STMN1: variants seen among roughly 807,000 people sequenced by gnomAD.
STMN1 encodes the protein stathmin 1.
In STMN1, 3 loss-of-function variants were observed where a neutral mutation model predicts 19.7. That is an observed-to-expected ratio of 0.15 (90% CI 0.07 to 0.39). The LOEUF (loss-of-function observed/expected upper bound fraction) is 0.39. Among genes scored for constraint, STMN1 ranks in the 10% least tolerant of loss-of-function variants. The pLI is 1.00. For synonymous variants in STMN1, 59 were observed against 58.9 expected (o/e 1.00, Z -0.01); for missense variants, 99 against 176.0 (o/e 0.56, Z 2.48).
intron 4 of STMN1, among the ~76,000 whole-genome samples, chr1:25,887,196 G>A (rs748021950): frequency 3.6e-4 from 55 of 152,154 alleles, no homozygotes; most frequent in Non-Finnish European, 7.5e-4. Flanking sequence ...CCAGGCCTTC[G>A]TTCAGGTGCC....
At chr1:25,885,657 C>A in exon 5 of STMN1, 1 of 1,465,404 alleles carries the variant, frequency 6.8e-7, no homozygotes, top group Non-Finnish European at 9.1e-7. Flanking sequence ...CAAGGATCCT[C>A]TTGGCCAGAC....
rs1225235663 is a variant in STMN1, at chr1:25,900,668, C to T, written c.*348G>A. The T allele has an allele frequency of 1.1e-5, 11 of 1,025,152 alleles. No individual in the cohort carries two copies. The highest frequency in any genetic ancestry group is 1.2e-5 in the Non-Finnish European group (10 of 856,012). 63.5% of individuals were successfully genotyped at this position (1,025,152 alleles called of 1,614,324 possible). A position where few individuals can be genotyped will look rare whatever the true frequency, so the allele number is the denominator to read the frequency against. ...AAGTGAACAGATATTCAGCATCTAA[C>T]AGTTCAAAAGAAGCCACTACATACT... On this transcript the variant is annotated 3_prime_UTR_variant, in exon 5 of 5. Transcript: ENST00000455785.
chr1:25,900,165 T>C lies in STMN1; in HGVS notation c.*851A>G, dbSNP rs983386308. On this transcript the variant is annotated 3_prime_UTR_variant, in exon 5 of 5. Transcript: ENST00000455785. ...TATTAATATTCTGATTCTCGTGTCA[T>C]AGCTTTTATGGCAGGAAAGGATGAG... is the stretch of plus-strand genomic sequence containing the variant. 2 of 985,774 alleles carry C rather than the reference T, an allele frequency of 2.0e-6. No homozygotes were observed. Among genetic ancestry groups the C allele is most frequent in the Non-Finnish European group, 2.4e-6 (2 of 829,938 alleles). The allele number at this position is 985,774 out of a possible 1,614,324, so 61.1% of individuals were successfully genotyped here. A position where few individuals can be genotyped will look rare whatever the true frequency, so the allele number is the denominator to read the frequency against.
chr1:25,889,596 T>C (rs1019232182), intron 4 of STMN1, among the ~76,000 whole-genome samples: 3 of 152,164 alleles, frequency 2.0e-5, no homozygotes, highest in African/African-American at 7.2e-5. Flanking sequence ...AATCTAACCA[T>C]GACCCTCCAC....
intron 2 of STMN1, 50 bp downstream of exon 2, chr1:25,904,614 T>TA: frequency 6.4e-7 from 1 of 1,572,464 alleles, no homozygotes; most frequent in Non-Finnish European, 8.7e-7. Flanking sequence ...CATCTCAATC[T>TA]AAAATCATAA....
At chr1:25,893,122 C>T (rs914667117) in intron 4 of STMN1, among the ~76,000 whole-genome samples, 2 of 152,088 alleles carry the variant, frequency 1.3e-5, no homozygotes, top group Non-Finnish European at 2.9e-5. Flanking sequence ...CTATATTTTA[C>T]TACAATTTGT....
chr1:25,887,370 C>A, intron 4 of STMN1: 1 of 279,808 alleles, frequency 3.6e-6, no homozygotes, highest in Non-Finnish European at 7.1e-6. Flanking sequence ...GTAAGTCTAC[C>A]CCTCAATCCC....
rs147343636 is a variant in STMN1, at chr1:25,903,291, G to A, written c.186+350C>T. 1.1e-4 allele frequency: 21 copies of A among 186,750 alleles called. No homozygotes were observed. The East Asian group carries it at 3.5e-3, about 31-fold the overall frequency. The allele number at this position is 186,750 out of a possible 1,614,324, so 11.6% of individuals were successfully genotyped here. On this transcript the variant is annotated intron_variant, in intron 3 of 4. Coordinates refer to ENST00000455785, the MANE Select transcript of STMN1 (RefSeq NM_005563.4). The stretch of plus-strand genomic sequence containing the variant: ...TCATCTGGCAACAAATCTTTTCAAA[G>A]AGGAAGCATGAGAGAAGCATGAGCT...
downstream of STMN1, among the ~76,000 whole-genome samples, chr1:25,895,452 T>C (rs1484410402): frequency 6.6e-6 from 1 of 152,160 alleles, no homozygotes; most frequent in African/African-American, 2.4e-5. Flanking sequence ...CTTGGAGTGA[T>C]GGAGTTACTA....
intron 4 of STMN1, among the ~76,000 whole-genome samples, chr1:25,887,974 C>T (rs949540453): frequency 1.3e-5 from 2 of 152,178 alleles, no homozygotes; most frequent in Non-Finnish European, 2.9e-5. Flanking sequence ...CGTGAGCCAC[C>T]GTGCCCGGCC....
At chr1:25,887,435 G>T in intron 4 of STMN1, 1 of 380,400 alleles carries the variant, frequency 2.6e-6, no homozygotes, top group Non-Finnish European at 5.2e-6. Flanking sequence ...ACAAAGTGGG[G>T]AATGGAGTAC....
At chr1:25,889,439 C>A (rs920892301) in intron 4 of STMN1, among the ~76,000 whole-genome samples, 1 of 151,748 alleles carries the variant, frequency 6.6e-6, no homozygotes, top group East Asian at 1.9e-4. Context: ...TCCATCCCCC[C>A]ACACCTACTC....
At chr1:25,892,413 T>A in intron 4 of STMN1, 41 of 239,554 alleles carry the variant, frequency 1.7e-4, no homozygotes, top group Non-Finnish European at 2.7e-4. Flanking sequence ...AAATAAAATC[T>A]CTGCCCTGCC....
chr1:25,905,649 G>A (rs1462205501), intron 1 of STMN1, among the ~76,000 whole-genome samples: 2 of 152,056 alleles, frequency 1.3e-5, no homozygotes, highest in African/African-American at 4.8e-5. Flanking sequence ...AGGGGTGGGC[G>A]GGGCTAACGG....
chr1:25,893,418 A>C (rs2048793555), intron 4 of STMN1, among the ~76,000 whole-genome samples: 1 of 152,216 alleles, frequency 6.6e-6, no homozygotes, highest in African/African-American at 2.4e-5. Context: ...TCCCTCCAGC[A>C]GGCATTTCTG....
At position 25,892,851 on chromosome 1, in the gene STMN1, G is replaced by A. The variant is rs1002268741; in HGVS notation, c.379-6982C>T. Among the ~76,000 whole-genome samples the A allele has an allele frequency of 1.4e-4, 22 of 152,236 alleles. No individual in the cohort carries two copies. In the East Asian group the frequency reaches 3.3e-3, roughly 23 times the overall value. ...ATTCTCTGGGACCTAACTCCACTCC[G>A]TGATTTGGGGAAAAAAGCCAAGCAA... On this transcript the variant is annotated intron_variant, in intron 4 of 4. Coordinates refer to the STMN1 transcript ENST00000426559.
At chr1:25,896,803 C>T (rs897091029), downstream of STMN1, among the ~76,000 whole-genome samples, 1 of 152,332 alleles carries the variant, frequency 6.6e-6, no homozygotes, top group African/African-American at 2.4e-5. Flanking sequence ...TTTGGACCTT[C>T]GTTTCACCTG....
In STMN1 at chr1:25,900,411, A is replaced by G; in HGVS notation, c.*605T>C. On this transcript the variant is annotated 3_prime_UTR_variant, in exon 5 of 5. Transcript: ENST00000455785. ...CAGTCATTGTGGAAGGAGACAATGC[A>G]AACCACACTGGGGCAAGAAACGGGG... 1.0e-6 allele frequency: 1 copy of G among 985,886 alleles called. No homozygotes were observed. Among genetic ancestry groups the G allele is most frequent in the Non-Finnish European group, 1.2e-6 (1 of 829,974 alleles). 61.1% of individuals were successfully genotyped at this position (985,886 alleles called of 1,614,324 possible). A position where few individuals can be genotyped will look rare whatever the true frequency, so the allele number is the denominator to read the frequency against.
rs896237854 is a variant in STMN1, at chr1:25,906,063, C to A, written c.-63+326G>T. The A allele has an allele frequency of 1.3e-5, 2 of 152,154 alleles. No homozygotes were observed. The highest frequency in any genetic ancestry group is 4.8e-5 in the African/African-American group (2 of 41,364). 9.4% of individuals were successfully genotyped at this position (152,154 alleles called of 1,614,324 possible). ...CAGACAATGGGGAACCCGGCGGGGC[C>A]CGCAGGGAAGGGAGGGAGGGAGGGA... On this transcript the variant is annotated intron_variant, in intron 1 of 4. Transcript: ENST00000455785. The surrounding 1 kb of genome is among the most constrained non-coding windows in gnomAD (Gnocchi z 4.5).
Sources: allele counts gnomAD v4.1 joint callset (sites outside exome capture counted in the v4.1 genomes callset), GRCh38; gene constraint gnomAD v4.1.1; non-coding constraint Gnocchi (gnomAD v3.1); transcripts MANE v1.5; gene names NCBI Gene and HGNC (gene_info 2026-07-23, HGNC 2026-07-21).